LTN1: variants seen among roughly 807,000 people sequenced by gnomAD.
LTN1 encodes the protein E3 ubiquitin-protein ligase listerin.
In LTN1, 88 loss-of-function variants were observed where a neutral mutation model predicts 201.2. The ratio of observed to expected loss-of-function variants is 0.44; its 90% CI spans 0.37 to 0.52. The LOEUF (loss-of-function observed/expected upper bound fraction) is 0.52. Among genes scored for constraint, LTN1 ranks in the 20% least tolerant of loss-of-function variants. The pLI is 0.00. For missense variants in LTN1, 1,752 were observed against 2,038.7 expected, an observed-to-expected ratio of 0.86 and a Z score of 2.71; for synonymous variants, 645 against 713.5, an observed-to-expected ratio of 0.90 and a Z score of 1.53.
At chr21:28,959,136 C>G (rs953697175) in intron 13 of LTN1, among the ~76,000 whole-genome samples, 3 of 151,976 alleles carry the variant, frequency 2.0e-5, no homozygotes, top group African/African-American at 7.3e-5. Context: ...ATTATTATCC[C>G]CCTTTTACAA....
At chr21:28,988,645 A>T (rs1019132035) in intron 1 of LTN1, among the ~76,000 whole-genome samples, 1 of 146,512 alleles carries the variant, frequency 6.8e-6, no homozygotes, top group Admixed American at 6.8e-5. Flanking sequence ...AAGGTTCTCT[A>T]TTTTTTTTTT....
chr21:28,965,350 A>G (rs1427605942), intron 11 of LTN1, among the ~76,000 whole-genome samples: 4 of 152,168 alleles, frequency 2.6e-5, no homozygotes, highest in Non-Finnish European at 5.9e-5. Flanking sequence ...GAAAATTTGT[A>G]AATTGTTTAT....
At chr21:28,942,185 C>A (rs2084302522) in intron 24 of LTN1, among the ~76,000 whole-genome samples, 1 of 152,118 alleles carries the variant, frequency 6.6e-6, no homozygotes, top group South Asian at 2.1e-4. Flanking sequence ...AGGTCTTTTC[C>A]TTCAACACCT....
In LTN1 at chr21:28,967,101, G is replaced by A. The variant is rs764426290; in HGVS notation, c.1390C>T (p.Leu464=). 5.0e-5 allele frequency: 80 copies of A among 1,613,966 alleles called. No individual in the cohort carries two copies. The highest frequency in any genetic ancestry group is 6.7e-5 in the Admixed American group (4 of 59,988). The change falls in exon 10 of 30, where the codon CTA becomes TTA. Residue 464 remains leucine (L), a synonymous_variant. Coordinates refer to ENST00000361371, the MANE Select transcript of LTN1 (RefSeq NM_015565.3). ...TCTGCTTTGGCTTCCCAGGAACTTA[G>A]AGTTTCTGCTAAATGGTTAAATAGC... The part of the protein sequence containing the change: ...GQLFNHLAET[L]SSWEAKADTE...
intron 6 of LTN1, among the ~76,000 whole-genome samples, chr21:28,977,934 A>G (rs531425434): frequency 2.0e-5 from 3 of 152,090 alleles, no homozygotes; most frequent in Non-Finnish European, 2.9e-5. Context: ...TCTCAAAAAA[A>G]AAAAAAGACA....
At chr21:28,961,678 A>T (rs2084480319) in intron 11 of LTN1, 1 of 152,190 alleles carries the variant, frequency 6.6e-6, no homozygotes, top group Admixed American at 6.6e-5. Context: ...CAAATCTTTT[A>T]ATCAGCGTGG....
chr21:28,954,630 A>G (rs996489066), intron 16 of LTN1, among the ~76,000 whole-genome samples: 1 of 152,224 alleles, frequency 6.6e-6, no homozygotes, highest in Non-Finnish European at 1.5e-5. Context: ...ATAAATCCAC[A>G]TATTTGCAGG....
intron 6 of LTN1, among the ~76,000 whole-genome samples, chr21:28,975,784 A>G (rs371544104): frequency 6.6e-6 from 1 of 152,246 alleles, no homozygotes; most frequent in Non-Finnish European, 1.5e-5. Context: ...GAGTACTACA[A>G]CTTTAGAAAA....
Position 28,965,913 on chromosome 21 carries a change from A to G in LTN1, c.2122-7T>C. On this transcript the variant is annotated splice_region_variant and splice_polypyrimidine_tract_variant and intron_variant, in intron 10 of 29. Transcript: ENST00000361371. Reference sequence around the variant, plus strand: ...AATTCCATTTCAAGTCCACCTGAAAAAAGAAAAAGAGTTAGAAACAATCTG... The same window carrying G: ...AATTCCATTTCAAGTCCACCTGAAAGAAGAAAAAGAGTTAGAAACAATCTG... 6.6e-7 allele frequency: 1 copy of G among 1,525,228 alleles called. No individual in the cohort carries two copies. The highest frequency in any genetic ancestry group is 9.0e-7 in the Non-Finnish European group (1 of 1,113,040). The allele number at this position is 1,525,228 out of a possible 1,614,324, so 94.5% of individuals were successfully genotyped here.
chr21:28,966,773 G>T lies in LTN1; in HGVS notation c.1718C>A (p.Ser573Tyr), dbSNP rs759962305. 24 of 1,613,842 alleles carry T rather than the reference G, an allele frequency of 1.5e-5. No individual in the cohort carries two copies. The highest frequency in any genetic ancestry group is 2.0e-5 in the Non-Finnish European group (24 of 1,179,974). ...IEGWELTTEP[S>Y]LTHNSSGLLS... is the part of the protein sequence containing the mutation. ...AAGGCCTGAAGAATTATGAGTGAGA[G>T]AAGGTTCAGTTGTTAATTCCCAGCC... is the stretch of plus-strand genomic sequence containing the variant. Residue 573 changes from serine to tyrosine, a missense_variant, in exon 10 of 30, where the codon TCT becomes TAT. Ser to Tyr is a moderately radical substitution (Grantham distance 144, BLOSUM62 -2). This residue lies in a region of LTN1 where 1,211 missense variants were observed against 1,312.8 expected (regional missense o/e 0.92). Coordinates refer to ENST00000361371, the MANE Select transcript of LTN1 (RefSeq NM_015565.3).
Position 28,990,047 on chromosome 21 carries a change from A to G in LTN1, c.42+2717T>C, listed in dbSNP as rs16983611. Among the ~76,000 whole-genome samples the G allele has an allele frequency of 2.3e-3, 349 of 151,526 alleles. 1 individual carries two copies. The highest frequency in any genetic ancestry group is 0.014 in the Middle Eastern group (4 of 290). ...GATCTTTATATAACCTTTTTTCTCT[A>G]CCTGAAAACGCTTCCTTTCTTTTCA... On this transcript the variant is annotated intron_variant, in intron 1 of 29. Transcript: ENST00000361371.
At position 28,959,432 on chromosome 21, in the gene LTN1, A is replaced by C. The variant is rs1381784477; in HGVS notation, c.2593+26T>G. ...AAGGTCAGAGCCGGAGATTCCCAACAAAACATTTGAGCAGTAGGCTATTAC... is the reference window on the plus strand; with the variant it reads ...AAGGTCAGAGCCGGAGATTCCCAACCAAACATTTGAGCAGTAGGCTATTAC... On this transcript the variant is annotated intron_variant, in intron 13 of 29. Transcript: ENST00000361371. 5 of 1,600,508 alleles carry C rather than the reference A, an allele frequency of 3.1e-6. No individual in the cohort carries two copies. The Admixed American group carries it at 8.6e-5, about 27-fold the overall frequency.
At position 28,945,934 on chromosome 21, in the gene LTN1, C is replaced by A. The variant is rs1441785280; in HGVS notation, c.3641G>T (p.Ser1214Ile). The change falls in exon 21 of 30, where the codon AGT becomes ATT. Residue 1214 changes from serine to isoleucine, a missense_variant. Transcript: ENST00000361371. ...FLFSCNLSEA[S>I]PEVLGVNIEI... ...TATATTTACACCCAGTACCTCTGGACTTGCTTCTGATAGATTACTGTGATA... is the reference window on the plus strand; with the variant it reads ...TATATTTACACCCAGTACCTCTGGAATTGCTTCTGATAGATTACTGTGATA... 3 of 1,610,778 alleles carry A rather than the reference C, an allele frequency of 1.9e-6. No homozygotes were observed. Among genetic ancestry groups the A allele is most frequent in the Non-Finnish European group, 2.5e-6 (3 of 1,178,514 alleles).
rs1407244201 is a variant in LTN1 at position 28,967,191 on chromosome 21, G to T, written c.1312-12C>A. 3.2e-6 allele frequency: 5 copies of T among 1,571,502 alleles called. No individual in the cohort carries two copies. Among genetic ancestry groups the T allele is most frequent in the Admixed American group, 1.9e-5 (1 of 53,674 alleles). On this transcript the variant is annotated splice_polypyrimidine_tract_variant and intron_variant, in intron 9 of 29. Transcript: ENST00000361371. Reference sequence around the variant, plus strand: ...ATAAAAGGGATCAACTGAAAGAAAAGGTAGAATATCATAAAATATATATTT... The same window carrying T: ...ATAAAAGGGATCAACTGAAAGAAAATGTAGAATATCATAAAATATATATTT...
chr21:28,985,408 A>G (rs2084690577), intron 3 of LTN1, among the ~76,000 whole-genome samples: 1 of 151,650 alleles, frequency 6.6e-6, no homozygotes, highest in Non-Finnish European at 1.5e-5. Flanking sequence ...TGCAGTGAAC[A>G]GAGATCGCGC....
chr21:28,932,569 T>A lies in LTN1; in HGVS notation c.4971A>T (p.Pro1657=). 1 of 1,613,602 alleles carries A rather than the reference T, an allele frequency of 6.2e-7. No individual in the cohort carries two copies. The change falls in exon 28 of 30, where the codon CCA becomes CCT. Residue 1657 remains proline (P), a synonymous_variant. Transcript: ENST00000361371. ...ELIIQLPSNY[P]LGSIIVESGK... Reference sequence around the variant, plus strand: ...CACTTTCTACTATTATTGAACCCAGTGGATAATTTGAAGGCAGTTGTATTA... The same window carrying A: ...CACTTTCTACTATTATTGAACCCAGAGGATAATTTGAAGGCAGTTGTATTA...
chr21:28,955,913 ACT>A (rs1319374779), intron 16 of LTN1, among the ~76,000 whole-genome samples: 1 of 120,406 alleles, frequency 8.3e-6, no homozygotes, highest in African/African-American at 3.4e-5. Context: ...ACAGAGCGAG[ACT>A]CTGTCTCAAA....
At position 28,963,176 on chromosome 21, in the gene LTN1, T is replaced by G. The variant is rs185070946; in HGVS notation, c.2164-2470A>C. ...AGATCAATAATGAAGGTGGCTACAC[T>G]AAACAGATTTTCAGTGGAGGTAAAA... On this transcript the variant is annotated intron_variant, in intron 11 of 29. Coordinates refer to ENST00000361371, the MANE Select transcript of LTN1 (RefSeq NM_015565.3). Among the ~76,000 whole-genome samples, 854 of 152,322 alleles carry G rather than the reference T, an allele frequency of 5.6e-3. 10 individuals are homozygous for G. The highest frequency in any genetic ancestry group is 0.019 in the African/African-American group (802 of 41,582).
At chr21:28,981,091 T>C (rs774106915) in intron 6 of LTN1, 28 bp downstream of exon 6, 1 of 1,360,362 alleles carries the variant, frequency 7.4e-7, no homozygotes, top group Admixed American at 2.6e-5. Context: ...ATCAGAGAAA[T>C]GTCTTAAGAT....
Sources: allele counts gnomAD v4.1 joint callset (sites outside exome capture counted in the v4.1 genomes callset), GRCh38; gene constraint gnomAD v4.1.1; regional missense constraint gnomAD v4.1.1; transcripts MANE v1.5; gene names NCBI Gene and HGNC (gene_info 2026-07-23, HGNC 2026-07-21).